The following TESK2 variants were observed in gnomAD, a reference collection of about 807,000 sequenced individuals.
TESK2 encodes testis associated actin remodelling kinase 2.
A neutral mutation model predicts 57.1 loss-of-function variants in TESK2; 39 were observed. The observed-to-expected ratio is 0.68, with a 90% confidence interval of 0.53 to 0.89. The LOEUF is 0.89. TESK2 is among the 40% of genes least tolerant of loss of function. The pLI, the probability that TESK2 is intolerant of heterozygous loss-of-function variation, is 0.00. For synonymous variants in TESK2, 249 were observed against 267.9 expected (o/e 0.93, Z 0.69); for missense variants, 646 against 732.1 (o/e 0.88, Z 1.36).
At chr1:45,486,840 G>C (rs1173775194) in intron 1 of TESK2, among the ~76,000 whole-genome samples, 2 of 74,578 alleles carry the variant, frequency 2.7e-5, no homozygotes, top group Non-Finnish European at 5.1e-5. Flanking sequence ...TTTTTTTTTT[G>C]AGACGGACTT....
chr1:45,454,611 A>G (rs1480244116), intron 2 of TESK2, among the ~76,000 whole-genome samples: 1 of 151,970 alleles, frequency 6.6e-6, no homozygotes, highest in African/African-American at 2.4e-5. Context: ...TTTTACCATA[A>G]TCTTTTCTTA....
At chr1:45,352,176 C>T (rs1647249197) in intron 5 of TESK2, among the ~76,000 whole-genome samples, 1 of 152,142 alleles carries the variant, frequency 6.6e-6, no homozygotes, top group Non-Finnish European at 1.5e-5. Context: ...ACTTGAGATC[C>T]CCTATAGTGT....
intron 5 of TESK2, among the ~76,000 whole-genome samples, chr1:45,352,506 T>C (rs919138094): frequency 3.1e-4 from 47 of 152,202 alleles, no homozygotes; most frequent in Middle Eastern, 3.2e-3. Context: ...CAGAAGGGAA[T>C]ATGATGAACT....
At chr1:45,481,137 G>C (rs1054620995) in intron 1 of TESK2, among the ~76,000 whole-genome samples, 6 of 152,068 alleles carry the variant, frequency 3.9e-5, no homozygotes, top group African/African-American at 1.4e-4. Flanking sequence ...AGGCCGAGGT[G>C]GGCGGATCAC....
At chr1:45,487,892 C>T (rs551389669) in intron 1 of TESK2, among the ~76,000 whole-genome samples, 1 of 151,870 alleles carries the variant, frequency 6.6e-6, no homozygotes, top group Admixed American at 6.6e-5. Context: ...CTAGTAGGAC[C>T]CTCAATGTGG....
chr1:45,394,439 C>T (rs748872122), intron 3 of TESK2, among the ~76,000 whole-genome samples: 1 of 150,884 alleles, frequency 6.6e-6, no homozygotes, highest in Non-Finnish European at 1.5e-5. Flanking sequence ...TAAGCCACCA[C>T]ACTAGGCCAA....
chr1:45,481,774 T>C (rs1414302866), intron 1 of TESK2, among the ~76,000 whole-genome samples: 1 of 152,198 alleles, frequency 6.6e-6, no homozygotes, highest in Non-Finnish European at 1.5e-5. Context: ...TATATGTAGA[T>C]ACTAGTCTAT....
At chr1:45,394,323 CTTTTTTTT>C (rs35459050) in intron 3 of TESK2, among the ~76,000 whole-genome samples, 2 of 115,134 alleles carry the variant, frequency 1.7e-5, no homozygotes, top group Non-Finnish European at 3.6e-5. Context: ...CCACAGCTGG[CTTTTTTTT>C]TTTTTTTTTT....
In TESK2 at chr1:45,380,507, C is replaced by T. The variant is rs80256211; in HGVS notation, c.393+5405G>A. Reference sequence around the variant, plus strand: ...CATCTCTTTCTCTTCTCTCTTTCTTCCTCTCCTCTCCATCCCAACCTCCCA... The same window carrying T: ...CATCTCTTTCTCTTCTCTCTTTCTTTCTCTCCTCTCCATCCCAACCTCCCA... On this transcript the variant is annotated intron_variant, in intron 4 of 10. Transcript: ENST00000372086. Among the ~76,000 whole-genome samples, 86 of 152,256 alleles carry T rather than the reference C, an allele frequency of 5.6e-4. No individual in the cohort carries two copies. The East Asian group carries it at 0.013, about 24-fold the overall frequency.
intron 2 of TESK2, among the ~76,000 whole-genome samples, chr1:45,443,921 G>C (rs1418644431): frequency 6.6e-6 from 1 of 152,096 alleles, no homozygotes. Context: ...GCTCATGCCC[G>C]TAATCTCAAT....
At chr1:45,476,755 G>A (rs1653011224) in intron 1 of TESK2, among the ~76,000 whole-genome samples, 1 of 152,066 alleles carries the variant, frequency 6.6e-6, no homozygotes, top group African/African-American at 2.4e-5. Context: ...GCCGAGGCAG[G>A]AGAATTGCTT....
intron 1 of TESK2, among the ~76,000 whole-genome samples, chr1:45,459,179 C>T (rs1262735443): frequency 6.6e-6 from 1 of 152,186 alleles, no homozygotes; most frequent in African/African-American, 2.4e-5. Context: ...ATAGTCCAGT[C>T]TCAATATGGC....
intron 4 of TESK2, among the ~76,000 whole-genome samples, chr1:45,364,968 G>C (rs982852943): frequency 6.6e-6 from 1 of 152,192 alleles, no homozygotes; most frequent in African/African-American, 2.4e-5. Flanking sequence ...ACTCTTTGGA[G>C]GGGCTCTTTG....
At chr1:45,434,100 C>A (rs542849651) in intron 2 of TESK2, among the ~76,000 whole-genome samples, 2 of 150,498 alleles carry the variant, frequency 1.3e-5, no homozygotes, top group African/African-American at 4.9e-5. Flanking sequence ...CTCTAGGGAT[C>A]CTCCTGCCTC....
At chr1:45,357,240 A>AATAAATGT (rs1378401796) in intron 4 of TESK2, among the ~76,000 whole-genome samples, 1 of 122,392 alleles carries the variant, frequency 8.2e-6, no homozygotes, top group African/African-American at 3.7e-5. Flanking sequence ...TAAATAAATA[A>AATAAATGT]ATGTATGTAT....
At chr1:45,362,743 GA>G (rs1409222395) in intron 4 of TESK2, among the ~76,000 whole-genome samples, 1 of 152,176 alleles carries the variant, frequency 6.6e-6, no homozygotes, top group African/African-American at 2.4e-5. Flanking sequence ...ATGGTACTGA[GA>G]AAGATTCATC....
chr1:45,474,346 G>A (rs575762070), intron 1 of TESK2, among the ~76,000 whole-genome samples: 1 of 152,040 alleles, frequency 6.6e-6, no homozygotes, highest in South Asian at 2.1e-4. Context: ...AATTTTCTGG[G>A]CCATGCACAG....
chr1:45,374,476 T>C (rs1430787131), intron 4 of TESK2, among the ~76,000 whole-genome samples: 2 of 152,022 alleles, frequency 1.3e-5, no homozygotes, highest in African/African-American at 2.4e-5. Context: ...ACCTATTTCA[T>C]AGGATTGCAT....
intron 1 of TESK2, among the ~76,000 whole-genome samples, chr1:45,467,385 C>T (rs1454742400): frequency 6.6e-6 from 1 of 151,950 alleles, no homozygotes; most frequent in African/African-American, 2.4e-5. Context: ...CGCTCTGTCA[C>T]CCAGACTGGA....
Sources: allele counts gnomAD v4.1 joint callset (sites outside exome capture counted in the v4.1 genomes callset), GRCh38; gene constraint gnomAD v4.1.1; transcripts MANE v1.5; gene names NCBI Gene and HGNC (gene_info 2026-07-23, HGNC 2026-07-21).